Variants in ADCY1 observed in about 807,000 individuals in gnomAD.
ADCY1 encodes adenylate cyclase 1.
Under a neutral mutation model 105.4 loss-of-function variants are expected in ADCY1, and 28 were observed. That is an observed-to-expected ratio of 0.27 (90% CI 0.20 to 0.36). The LOEUF (loss-of-function observed/expected upper bound fraction) is 0.36, where lower values mean the gene tolerates loss of function less well. ADCY1 is among the 10% of genes least tolerant of loss of function. ADCY1 has a pLI of 1.00. For missense variants in ADCY1, 977 were observed against 1,434.2 expected (o/e 0.68, Z 5.15); for synonymous variants, 655 against 623.8 (o/e 1.05, Z -0.75).
chr7:45,638,832 G>A (rs911458955), intron 4 of ADCY1, among the ~76,000 whole-genome samples: 3 of 152,140 alleles, frequency 2.0e-5, no homozygotes, highest in African/African-American at 7.2e-5. Flanking sequence ...ATAGTGAGTC[G>A]TGGCTGCCAG....
At chr7:45,610,253 A>G (rs1470971521) in intron 2 of ADCY1, 126 bp from the exon 3 acceptor site, 1 of 757,142 alleles carries the variant, frequency 1.3e-6, no homozygotes, top group East Asian at 2.5e-5. Flanking sequence ...GTTCAGTGGC[A>G]GTCCAGCCCT....
At chr7:45,676,916 C>T (rs531968150) in intron 8 of ADCY1, among the ~76,000 whole-genome samples, 137 of 149,582 alleles carry the variant, frequency 9.2e-4, no homozygotes, top group Admixed American at 3.1e-3. Flanking sequence ...TAGGTTGCCC[C>T]TTTTTTTTTC....
chr7:45,601,218 C>T (rs979008145), intron 2 of ADCY1, among the ~76,000 whole-genome samples: 10 of 152,080 alleles, frequency 6.6e-5, no homozygotes, highest in Admixed American at 2.0e-4. Flanking sequence ...GCTGGGGGGA[C>T]GGTCCCTTCC....
chr7:45,650,626 T>C (rs959583176), intron 5 of ADCY1, among the ~76,000 whole-genome samples: 3 of 152,030 alleles, frequency 2.0e-5, no homozygotes, highest in African/African-American at 7.3e-5. Flanking sequence ...CTGTGCCGAG[T>C]GGGGTCCTCC....
At chr7:45,661,988 C>A in intron 7 of ADCY1, 71 bp from the exon 8 acceptor site, 1 of 1,542,756 alleles carries the variant, frequency 6.5e-7, no homozygotes, top group Non-Finnish European at 8.8e-7. Context: ...GTCAGGATGG[C>A]ATTCCCAGTC....
chr7:45,598,381 T>C (rs1434571013), intron 2 of ADCY1, among the ~76,000 whole-genome samples: 1 of 152,236 alleles, frequency 6.6e-6, no homozygotes, highest in African/African-American at 2.4e-5. Flanking sequence ...GGTGTGAAGG[T>C]TCTTTTAACA....
Position 45,687,520 on chromosome 7 carries a change from G to T in ADCY1, c.2454+847G>T, listed in dbSNP as rs575660307. Among the ~76,000 whole-genome samples, 16 of 152,286 alleles carry T rather than the reference G, an allele frequency of 1.1e-4. No individual in the cohort carries two copies. The South Asian group carries it at 3.1e-3, about 30-fold the overall frequency. ...CTACCTGGGTTCAAATCCCATTTGTGGAATTTGCAAACTGTTTCACCCTGG... is the reference window on the plus strand; with the variant it reads ...CTACCTGGGTTCAAATCCCATTTGTTGAATTTGCAAACTGTTTCACCCTGG... On this transcript the variant is annotated intron_variant, in intron 14 of 19. Coordinates refer to ENST00000297323, the MANE Select transcript of ADCY1 (RefSeq NM_021116.4).
At chr7:45,702,174 G>A (rs998972817) in intron 14 of ADCY1, among the ~76,000 whole-genome samples, 1 of 152,126 alleles carries the variant, frequency 6.6e-6, no homozygotes, top group Non-Finnish European at 1.5e-5. Flanking sequence ...CGGCATATTC[G>A]TGGCCAGCTC....
intron 10 of ADCY1, among the ~76,000 whole-genome samples, chr7:45,679,007 A>T (rs1254792428): frequency 2.0e-5 from 3 of 152,212 alleles, no homozygotes; most frequent in Non-Finnish European, 2.9e-5. Flanking sequence ...AGGAAGAAAA[A>T]CAGTAGTTTA....
intron 4 of ADCY1, among the ~76,000 whole-genome samples, chr7:45,646,469 G>T (rs1239453348): frequency 6.6e-6 from 1 of 152,200 alleles, no homozygotes; most frequent in East Asian, 1.9e-4. Context: ...CACTGACTGT[G>T]GTTCCAGGCC....
intron 1 of ADCY1, among the ~76,000 whole-genome samples, chr7:45,582,852 G>A (rs982313992): frequency 6.6e-6 from 1 of 152,206 alleles, no homozygotes; most frequent in African/African-American, 2.4e-5. Flanking sequence ...ATCCCTGGGG[G>A]CAGGGCAAGG....
intron 1 of ADCY1, among the ~76,000 whole-genome samples, chr7:45,577,257 T>G (rs934750466): frequency 2.0e-5 from 3 of 152,192 alleles, no homozygotes; most frequent in Non-Finnish European, 4.4e-5. Flanking sequence ...AGGTAAACAC[T>G]TCCTATTGGA....
At chr7:45,646,860 G>A (rs142509667) in intron 4 of ADCY1, among the ~76,000 whole-genome samples, 349 of 152,340 alleles carry the variant, frequency 2.3e-3, no homozygotes, top group Non-Finnish European at 3.9e-3. Flanking sequence ...ACTGTCACCA[G>A]CCTCTCTGTG....
In ADCY1 at chr7:45,686,047, C is replaced by A. The variant is rs1405575483; in HGVS notation, c.2159C>A (p.Pro720His). 6.2e-7 allele frequency: 1 copy of A among 1,611,482 alleles called. No homozygotes were observed. Among genetic ancestry groups the A allele is most frequent in the African/African-American group, 1.4e-5 (1 of 74,060 alleles). Residue 720 changes from proline (P) to histidine (H), a missense_variant, in exon 13 of 20, where the codon CCC (proline) becomes CAC (histidine). Pro to His is a moderately conservative substitution (Grantham distance 77). Coordinates refer to ENST00000297323, the MANE Select transcript of ADCY1 (RefSeq NM_021116.4). The surrounding 1 kb of genome is among the most constrained non-coding windows in gnomAD (Gnocchi z 4.3). ...LSSGGQRTAL[P>H]TLPCESTHHA... ...TCTGGGGGCCAGCGCACAGCCCTGC[C>A]CACCCTGCCCTGCGAGTCTACACAC...
intron 5 of ADCY1, among the ~76,000 whole-genome samples, chr7:45,653,476 C>G (rs961798420): frequency 1.3e-5 from 2 of 152,238 alleles, no homozygotes; most frequent in African/African-American, 4.8e-5. Context: ...GGCAGCACAT[C>G]AGTCCCTGTG....
intron 17 of ADCY1, among the ~76,000 whole-genome samples, chr7:45,706,187 A>G (rs897130838): frequency 2.6e-5 from 4 of 152,200 alleles, no homozygotes; most frequent in African/African-American, 9.7e-5. Context: ...TGTGTCGTTG[A>G]CAAAATGATC....
rs908361864 is a variant in ADCY1, at chr7:45,708,092, A to G, written c.2818-258A>G. Among the ~76,000 whole-genome samples the G allele has an allele frequency of 7.2e-5, 11 of 152,204 alleles. No homozygotes were observed. Among genetic ancestry groups the G allele is most frequent in the African/African-American group, 2.2e-4 (9 of 41,460 alleles). Reference sequence around the variant, plus strand: ...GTTTGAGCACCTGGTCTCCCACTCAAAAGGGCTGCCCTGCCCTATTCCTGC... The same window carrying G: ...GTTTGAGCACCTGGTCTCCCACTCAGAAGGGCTGCCCTGCCCTATTCCTGC... On this transcript the variant is annotated intron_variant, in intron 17 of 19. Transcript: ENST00000297323. The surrounding 1 kb of genome is among the most constrained non-coding windows in gnomAD (Gnocchi z 4.7).
chr7:45,631,110 A>C (rs1438650295), intron 4 of ADCY1, among the ~76,000 whole-genome samples: 1 of 152,220 alleles, frequency 6.6e-6, no homozygotes, highest in East Asian at 1.9e-4. Flanking sequence ...GGTAATTATC[A>C]TTGTTACCAG....
At chr7:45,596,933 G>A (rs80107999) in intron 2 of ADCY1, among the ~76,000 whole-genome samples, 10,812 of 152,192 alleles carry the variant, frequency 0.071, 398 homozygotes, top group African/African-American at 0.086. Context: ...GGAGTTTGGC[G>A]GTGGTTTTCT....
Sources: allele counts gnomAD v4.1 joint callset (sites outside exome capture counted in the v4.1 genomes callset), GRCh38; gene constraint gnomAD v4.1.1; non-coding constraint Gnocchi (gnomAD v3.1); transcripts MANE v1.5; gene names NCBI Gene and HGNC (gene_info 2026-07-23, HGNC 2026-07-21).